Variants in DYNC2H1 observed in about 807,000 individuals in gnomAD.
DYNC2H1 encodes the protein cytoplasmic dynein 2 heavy chain 1.
A neutral mutation model predicts 570.0 loss-of-function variants in DYNC2H1; 410 were observed. The ratio of observed to expected loss-of-function variants is 0.72; its 90% CI spans 0.66 to 0.78. DYNC2H1 has a LOEUF of 0.78. DYNC2H1 is among the 30% of genes least tolerant of loss of function. DYNC2H1 has a pLI of 0.00. For missense variants in DYNC2H1, 4,865 were observed against 5,046.4 expected, an observed-to-expected ratio of 0.96 and a Z score of 1.09; for synonymous variants, 1,688 against 1,677.6, an observed-to-expected ratio of 1.01 and a Z score of -0.15.
At chr11:103,422,793 C>T (rs1565586093) in intron 84 of DYNC2H1, among the ~76,000 whole-genome samples, 1 of 152,134 alleles carries the variant, frequency 6.6e-6, no homozygotes, top group Non-Finnish European at 1.5e-5. Flanking sequence ...AGGATGCCCT[C>T]CCTCACCACT....
intron 83 of DYNC2H1, among the ~76,000 whole-genome samples, chr11:103,399,387 C>T (rs1942540725): frequency 6.7e-6 from 1 of 150,124 alleles, no homozygotes; most frequent in Non-Finnish European, 1.5e-5. Flanking sequence ...AACTCCTTAC[C>T]TCAAATGCTC....
chr11:103,309,764 T>C (rs1470817089), intron 78 of DYNC2H1, among the ~76,000 whole-genome samples: 2 of 152,202 alleles, frequency 1.3e-5, no homozygotes, highest in East Asian at 3.9e-4. Flanking sequence ...TTTGCTTGCA[T>C]TTTTGAACTT....
Position 103,170,042 on chromosome 11 carries a change from C to G in DYNC2H1, c.4969-66C>G. Reference sequence around the variant, plus strand: ...TTATCTTTTTAACTACAATCTCATGCTGTAAAAATATTTGTAAATGTTGAA... The same window carrying G: ...TTATCTTTTTAACTACAATCTCATGGTGTAAAAATATTTGTAAATGTTGAA... On this transcript the variant is annotated intron_variant, in intron 32 of 88. Transcript: ENST00000375735. This position sits in a 1 kb window ranked among gnomAD's most constrained non-coding sequence, Gnocchi z 4.8. The G allele has an allele frequency of 1.5e-6, 2 of 1,326,518 alleles. No homozygotes were observed. Among genetic ancestry groups the G allele is most frequent in the Non-Finnish European group, 2.0e-6 (2 of 994,598 alleles). 82.2% of individuals were successfully genotyped at this position (1,326,518 alleles called of 1,614,324 possible).
At chr11:103,303,303 C>A (rs1475425951) in intron 76 of DYNC2H1, 50 bp downstream of exon 76, 1 of 1,562,018 alleles carries the variant, frequency 6.4e-7, no homozygotes, top group Admixed American at 1.7e-5. Flanking sequence ...GCTGTTCCCA[C>A]ACTTGATGAT....
intron 81 of DYNC2H1, among the ~76,000 whole-genome samples, chr11:103,321,745 C>T (rs563508965): frequency 6.6e-5 from 10 of 152,000 alleles, no homozygotes; most frequent in South Asian, 4.2e-4. Context: ...TGCCTTGAGC[C>T]GTCACATGAA....
chr11:103,122,798 C>T (rs1446882359), intron 10 of DYNC2H1, 27 bp from the exon 11 acceptor site: 2 of 1,594,508 alleles, frequency 1.3e-6, no homozygotes, highest in Non-Finnish European at 1.7e-6. Flanking sequence ...TTAAATAATG[C>T]ACATGTCTGT....
In DYNC2H1 at chr11:103,211,929, CAA is replaced by C; in HGVS notation, c.8682_8683del (p.His2896PhefsTer7). ...SSKKKELLKR[Q>X]SHLQAGVSKL... is the part of the protein sequence containing the mutation. ...CAAGAAAAAGGAATTATTAAAAAGA[CAA>C]AGTCATTTGCAGGTATAGTATTGGT... On this transcript the variant is annotated frameshift_variant, in exon 54 of 89. Coordinates refer to ENST00000375735, the MANE Select transcript of DYNC2H1 (RefSeq NM_001377.3). LOFTEE classifies it high-confidence loss of function. 6.6e-7 allele frequency: 1 copy of C among 1,526,272 alleles called. No individual in the cohort carries two copies. The highest frequency in any genetic ancestry group is 2.4e-5 in the East Asian group (1 of 41,270). 94.5% of individuals were successfully genotyped at this position (1,526,272 alleles called of 1,614,324 possible).
intron 84 of DYNC2H1, among the ~76,000 whole-genome samples, chr11:103,411,156 T>A (rs1943070295): frequency 6.6e-6 from 1 of 152,152 alleles, no homozygotes; most frequent in Non-Finnish European, 1.5e-5. Flanking sequence ...TTAATTAGAA[T>A]ATGAGGAAAG....
chr11:103,192,188 A>C lies in DYNC2H1; in HGVS notation c.7632A>C (p.Glu2544Asp), dbSNP rs1315518892. 6.3e-7 allele frequency: 1 copy of C among 1,587,970 alleles called. No homozygotes were observed. Among genetic ancestry groups the C allele is most frequent in the East Asian group, 2.3e-5 (1 of 44,442 alleles). Residue 2544 changes from glutamate to aspartate, a missense_variant, in exon 47 of 89, where the codon GAA (glutamate) becomes GAC (aspartate). This residue lies in a region of DYNC2H1 where 2,401 missense variants were observed against 2,454.6 expected (regional missense o/e 0.98). Transcript: ENST00000375735. ...GTGACAAAATTGTTGGTGCAAAGGA[A>C]CTTCATTTATTTGACATCATTTTAA... ...LFRDKIVGAK[E>D]LHLFDIILTS...
At chr11:103,426,420 A>G (rs1216714947) in intron 84 of DYNC2H1, among the ~76,000 whole-genome samples, 5 of 152,196 alleles carry the variant, frequency 3.3e-5, no homozygotes, top group African/African-American at 4.8e-5. Flanking sequence ...GTATTAACAT[A>G]CTAGCAATTG....
chr11:103,456,181 A>T (rs1314531202), intron 86 of DYNC2H1, 94 bp from the exon 87 acceptor site: 1 of 906,788 alleles, frequency 1.1e-6, no homozygotes, highest in Admixed American at 2.9e-5. Flanking sequence ...TAAATATTTT[A>T]ATTTTAAATA....
At chr11:103,284,487 A>G in intron 73 of DYNC2H1, among the ~76,000 whole-genome samples, 1 of 152,206 alleles carries the variant, frequency 6.6e-6, no homozygotes, top group Non-Finnish European at 1.5e-5. Context: ...CCTTGTCATA[A>G]TGGTTGACAG....
At chr11:103,123,037 C>G (rs377583184) in intron 11 of DYNC2H1, 37 bp downstream of exon 11, 30 of 1,281,402 alleles carry the variant, frequency 2.3e-5, no homozygotes, top group Non-Finnish European at 2.9e-5. Flanking sequence ...AATCCAAAAC[C>G]ATATGTTATT....
In DYNC2H1 at chr11:103,156,696, T is replaced by C. The variant is rs372246714; in HGVS notation, c.4053T>C (p.Tyr1351=). 3.5e-5 allele frequency: 57 copies of C among 1,613,290 alleles called. No individual in the cohort carries two copies. In the African/African-American group the frequency reaches 7.2e-4, roughly 20 times the overall value. ...NLNHIQRKWV[Y]LEPIFGRGAL... ...ATCATATTCAGAGAAAGTGGGTGTA[T>C]TTGGAACCCATTTTCGGCCGTGGAG... The change falls in exon 26 of 89, where the codon TAT becomes TAC. Residue 1351 remains tyrosine (Y), a synonymous_variant. Transcript: ENST00000375735.
At position 103,192,087 on chromosome 11, in the gene DYNC2H1, C is replaced by A; in HGVS notation, c.7541-10C>A. The A allele has an allele frequency of 6.9e-7, 1 of 1,453,800 alleles. No individual in the cohort carries two copies. Among genetic ancestry groups the A allele is most frequent in the East Asian group, 2.5e-5 (1 of 39,542 alleles). 90.1% of individuals were successfully genotyped at this position (1,453,800 alleles called of 1,614,324 possible). ...TATATTACAATTAAATAAAATTTTG[C>A]CTTTTCTAGGATCCTCAAACCATCC... On this transcript the variant is annotated splice_polypyrimidine_tract_variant and intron_variant, in intron 46 of 88. Coordinates refer to ENST00000375735, the MANE Select transcript of DYNC2H1 (RefSeq NM_001377.3).
intron 31 of DYNC2H1, among the ~76,000 whole-genome samples, chr11:103,167,022 C>CT (rs1861345555): frequency 1.1e-5 from 1 of 93,468 alleles, no homozygotes; most frequent in Non-Finnish European, 2.1e-5. Context: ...GATTTTTCCT[C>CT]TTTATTAGCC....
At chr11:103,171,408 A>G (rs1481659994) in intron 34 of DYNC2H1, among the ~76,000 whole-genome samples, 2 of 151,972 alleles carry the variant, frequency 1.3e-5, no homozygotes, top group East Asian at 3.9e-4. Flanking sequence ...GGTGCCCGCC[A>G]CCACGCCCAG....
chr11:103,287,721 T>G, intron 75 of DYNC2H1, 116 bp downstream of exon 75: 2 of 845,634 alleles, frequency 2.4e-6, no homozygotes, highest in Non-Finnish European at 3.5e-6. Context: ...TTTTATTCAT[T>G]CTGTTTATTT....
At chr11:103,179,886 A>G (rs746405222) in intron 39 of DYNC2H1, among the ~76,000 whole-genome samples, 5 of 151,740 alleles carry the variant, frequency 3.3e-5, no homozygotes, top group Non-Finnish European at 5.9e-5. Flanking sequence ...GGCATAAGTA[A>G]GAAACTTTTA....
Sources: gnomAD v4.1 joint callset for allele counts (sites outside exome capture counted in the v4.1 genomes callset) on GRCh38, gnomAD v4.1.1 for gene constraint, gnomAD v4.1.1 regional missense constraint, Gnocchi (gnomAD v3.1) non-coding constraint, MANE v1.5 for transcripts, NCBI Gene and HGNC (gene_info 2026-07-23, HGNC 2026-07-21) for gene names.